The following EFCAB13 variants were observed in gnomAD, a reference collection of about 807,000 sequenced individuals.
EFCAB13 encodes the protein EF-hand calcium binding domain 13.
Under a neutral mutation model 110.2 loss-of-function variants are expected in EFCAB13, and 91 were observed. The observed-to-expected ratio is 0.83, with a 90% CI of 0.70 to 0.98. EFCAB13 has a LOEUF of 0.98. Ranked by LOEUF, EFCAB13 falls within the 50% of genes least tolerant of loss-of-function variation. The pLI is 0.00. For synonymous variants in EFCAB13, 323 were observed against 369.9 expected (o/e 0.87, Z 1.45); for missense variants, 968 against 1,119.4 (o/e 0.86, Z 1.93).
intron 10 of EFCAB13, among the ~76,000 whole-genome samples, chr17:47,363,462 CTTT>C (rs34092734): frequency 8.0e-5 from 11 of 138,358 alleles, no homozygotes; most frequent in Admixed American, 2.2e-4. Context: ...AAACACACTT[CTTT>C]TTTTTTTTTT....
At chr17:47,425,819 A>G (rs1260514309) in intron 23 of EFCAB13, among the ~76,000 whole-genome samples, 1 of 152,240 alleles carries the variant, frequency 6.6e-6, no homozygotes, top group African/African-American at 2.4e-5. Context: ...TATCCGTGAT[A>G]TCAGACGAAG....
rs1304155594 is a variant in EFCAB13, at chr17:47,324,058, G to T, written c.-334G>T. ...CGGGGGCCTCCAGCCGAGAGGAAGGGAGGGCAGCTCGGGCCGGTAGTGGGA... is the reference window on the plus strand; with the variant it reads ...CGGGGGCCTCCAGCCGAGAGGAAGGTAGGGCAGCTCGGGCCGGTAGTGGGA... On this transcript the variant is annotated 5_prime_UTR_variant, in exon 1 of 25. Transcript: ENST00000331493. 3 of 152,890 alleles carry T rather than the reference G, an allele frequency of 2.0e-5. No individual in the cohort carries two copies. The highest frequency in any genetic ancestry group is 7.2e-5 in the African/African-American group (3 of 41,440). 9.5% of individuals were successfully genotyped at this position (152,890 alleles called of 1,614,324 possible). A position where few individuals can be genotyped will look rare whatever the true frequency, so the allele number is the denominator to read the frequency against.
chr17:47,408,950 A>G (rs529861629), intron 20 of EFCAB13, among the ~76,000 whole-genome samples: 9 of 152,308 alleles, frequency 5.9e-5, no homozygotes, highest in Non-Finnish European at 1.3e-4. Flanking sequence ...TTTTGAAAGT[A>G]CTTTTTATAG....
chr17:47,436,964 T>C (rs1050564633), intron 24 of EFCAB13, among the ~76,000 whole-genome samples: 11 of 152,152 alleles, frequency 7.2e-5, no homozygotes, highest in African/African-American at 2.7e-4. Flanking sequence ...TGTGTCATTA[T>C]GGTCATTCAG....
chr17:47,371,059 G>GTT (rs1187612737), intron 11 of EFCAB13, among the ~76,000 whole-genome samples: 8 of 121,790 alleles, frequency 6.6e-5, no homozygotes, highest in Non-Finnish European at 1.2e-4. Context: ...GTTTTTAATG[G>GTT]TTGTTTTTTT....
chr17:47,357,267 T>C (rs1598731333), intron 9 of EFCAB13, among the ~76,000 whole-genome samples: 1 of 152,334 alleles, frequency 6.6e-6, no homozygotes, highest in Non-Finnish European at 1.5e-5. Flanking sequence ...TTTCCTGATA[T>C]GTTCCTGCAG....
In EFCAB13 at chr17:47,397,654, C is replaced by T. The variant is rs576556182; in HGVS notation, c.1945+1677C>T. On this transcript the variant is annotated intron_variant, in intron 17 of 24. Coordinates refer to ENST00000331493, the MANE Select transcript of EFCAB13 (RefSeq NM_152347.5). ...ATCGTCTGAGATGTGGGGAGAGCCT[C>T]TACCCCGCCGCCCCGCCTGGGATGT... 2.0e-5 allele frequency among the ~76,000 whole-genome samples: 3 copies of T among 151,626 alleles called. No homozygotes were observed. The South Asian group carries it at 6.3e-4, about 32-fold the overall frequency.
At chr17:47,423,789 G>GCCTCCTGCACCTCAC (rs1021531645) in intron 23 of EFCAB13, among the ~76,000 whole-genome samples, 1 of 150,852 alleles carries the variant, frequency 6.6e-6, no homozygotes, top group Admixed American at 6.6e-5. Context: ...GCCAGCGGCG[G>GCCTCCTGCACCTCAC]CCTCCTGCAC....
At chr17:47,406,869 C>T (rs990889466) in intron 20 of EFCAB13, among the ~76,000 whole-genome samples, 1 of 152,216 alleles carries the variant, frequency 6.6e-6, no homozygotes. Context: ...CTCTTCTTCA[C>T]TGACCTGTTT....
chr17:47,433,460 G>A (rs936982324), intron 24 of EFCAB13, among the ~76,000 whole-genome samples: 2 of 152,078 alleles, frequency 1.3e-5, no homozygotes. Flanking sequence ...CTAGAGGGAG[G>A]AGTATCAAAG....
intron 4 of EFCAB13, 67 bp from the exon 5 acceptor site, chr17:47,335,129 C>A: frequency 7.1e-7 from 1 of 1,417,494 alleles, no homozygotes. Flanking sequence ...ATGATTGACC[C>A]AGAATGTCAT....
At chr17:47,397,960 G>A (rs2065752875) in intron 17 of EFCAB13, among the ~76,000 whole-genome samples, 2 of 150,886 alleles carry the variant, frequency 1.3e-5, no homozygotes, top group African/African-American at 4.9e-5. Flanking sequence ...CGTCCGGGAG[G>A]GAGGTGGGGG....
chr17:47,417,706 A>G (rs1233327294), intron 23 of EFCAB13, among the ~76,000 whole-genome samples: 4 of 152,012 alleles, frequency 2.6e-5, no homozygotes, highest in Admixed American at 6.5e-5. Context: ...CATTTCCACA[A>G]TCTCTTTCAT....
In EFCAB13 at chr17:47,325,937, T is replaced by TC. The variant is rs1333993443; in HGVS notation, c.-247-289_-247-288insC. 4.1e-5 allele frequency among the ~76,000 whole-genome samples: 2 copies of TC among 49,128 alleles called. 1 individual carries two copies. Among genetic ancestry groups the TC allele is most frequent in the Non-Finnish European group, 1.0e-4 (2 of 19,778 alleles). The allele number at this position is 49,128 out of a possible 152,430, so 32.2% of individuals were successfully genotyped here. A position where few individuals can be genotyped will look rare whatever the true frequency, so the allele number is the denominator to read the frequency against. On this transcript the variant is annotated intron_variant, in intron 2 of 24. Coordinates refer to ENST00000331493, the MANE Select transcript of EFCAB13 (RefSeq NM_152347.5). ...TATATAAACAAAATATATATATATA[T>TC]ATATATATATATATATATATATATA...
At chr17:47,385,891 T>C (rs184708181) in intron 14 of EFCAB13, among the ~76,000 whole-genome samples, 145 of 152,366 alleles carry the variant, frequency 9.5e-4, no homozygotes, top group Non-Finnish European at 1.6e-3. Context: ...GCCCGTCTTC[T>C]GCAGGTCTGC....
At chr17:47,434,025 C>T (rs1905166945) in intron 24 of EFCAB13, among the ~76,000 whole-genome samples, 1 of 151,966 alleles carries the variant, frequency 6.6e-6, no homozygotes, top group African/African-American at 2.4e-5. Context: ...TCAAATACCA[C>T]AGTTTAAAAG....
intron 2 of EFCAB13, among the ~76,000 whole-genome samples, chr17:47,325,476 T>C (rs2065276744): frequency 6.6e-6 from 1 of 152,160 alleles, no homozygotes; most frequent in African/African-American, 2.4e-5. Flanking sequence ...TGCTTGTCAC[T>C]CCTTCAGAGT....
At chr17:47,424,874 C>CTTTTTTTTTTTTTTTTTTTTTGTTT (rs1904879939) in intron 23 of EFCAB13, among the ~76,000 whole-genome samples, 1 of 36,902 alleles carries the variant, frequency 2.7e-5, no homozygotes, top group Non-Finnish European at 5.1e-5. Flanking sequence ...GGTTGACAAT[C>CTTTTTTTTTTTTTTTTTTTTTGTTT]TTTTTTTTTT....
chr17:47,417,885 T>G (rs1904505479), intron 23 of EFCAB13, among the ~76,000 whole-genome samples: 1 of 152,186 alleles, frequency 6.6e-6, no homozygotes, highest in Non-Finnish European at 1.5e-5. Flanking sequence ...ATTCTTTCCA[T>G]AGAGTACCAT....
Sources: gnomAD v4.1 joint callset for allele counts (sites outside exome capture counted in the v4.1 genomes callset) on GRCh38, gnomAD v4.1.1 for gene constraint, MANE v1.5 for transcripts, NCBI Gene and HGNC (gene_info 2026-07-23, HGNC 2026-07-21) for gene names.